WNT9A: variants seen among roughly 807,000 people sequenced by gnomAD.
The protein encoded by WNT9A is Wnt family member 9A.
WNT9A carries 8 observed loss-of-function variants against 31.4 expected under a neutral mutation model. The ratio of observed to expected loss-of-function variants is 0.26; its 90% CI spans 0.15 to 0.46. The LOEUF (loss-of-function observed/expected upper bound fraction) is 0.46, where lower values mean the gene tolerates loss of function less well. WNT9A is among the 20% of genes least tolerant of loss of function. WNT9A has a pLI of 0.99. For synonymous variants in WNT9A, 236 were observed against 220.1 expected (o/e 1.07, Z -0.64); for missense variants, 457 against 522.9 (o/e 0.87, Z 1.23).
intron 1 of WNT9A, among the ~76,000 whole-genome samples, chr1:227,945,459 G>C (rs1175989181): frequency 6.6e-6 from 1 of 152,206 alleles, no homozygotes; most frequent in Non-Finnish European, 1.5e-5. Context: ...GCCAGGGTTG[G>C]GTTGCAGCTC....
Position 227,947,907 on chromosome 1 carries a change from C to G in WNT9A, c.-20G>C, listed in dbSNP as rs985274014. The G allele has an allele frequency of 6.6e-6, 7 of 1,054,112 alleles. No homozygotes were observed. Among genetic ancestry groups the G allele is most frequent in the Non-Finnish European group, 8.0e-6 (7 of 875,208 alleles). The allele number at this position is 1,054,112 out of a possible 1,614,324, so 65.3% of individuals were successfully genotyped here. On this transcript the variant is annotated 5_prime_UTR_variant, in exon 1 of 4. Coordinates refer to ENST00000272164, the MANE Select transcript of WNT9A (RefSeq NM_003395.4). Reference sequence around the variant, plus strand: ...CAGCATCTTGCCGCGCCTCGGCGGCCGACCATCGCGCTCCCAGCTCCGCGC... The same window carrying G: ...CAGCATCTTGCCGCGCCTCGGCGGCGGACCATCGCGCTCCCAGCTCCGCGC...
Position 227,924,153 on chromosome 1 carries a change from G to A in WNT9A, c.600C>T (p.Asn200=), listed in dbSNP as rs868783763. ...DLRARVDFHN[N]LVGVKVIKAG... ...CCCCACTTGCCTTCACACCCACGAGGTTGTTGTGGAAGTCCACACGGGCTC... is the reference window on the plus strand; with the variant it reads ...CCCCACTTGCCTTCACACCCACGAGATTGTTGTGGAAGTCCACACGGGCTC... The change falls in exon 3 of 4, where the codon AAC becomes AAT. Residue 200 remains asparagine, a synonymous_variant. Coordinates refer to ENST00000272164, the MANE Select transcript of WNT9A (RefSeq NM_003395.4). 6.3e-7 allele frequency: 1 copy of A among 1,590,550 alleles called. No homozygotes were observed.
At chr1:227,940,469 C>T (rs1666678799) in intron 1 of WNT9A, among the ~76,000 whole-genome samples, 1 of 152,208 alleles carries the variant, frequency 6.6e-6, no homozygotes, top group Non-Finnish European at 1.5e-5. Flanking sequence ...ACTGTCATCC[C>T]TTCTGGAGCT....
chr1:227,941,223 G>C (rs1220438534), intron 1 of WNT9A, among the ~76,000 whole-genome samples: 6 of 152,234 alleles, frequency 3.9e-5, no homozygotes, highest in African/African-American at 7.2e-5. Context: ...CTGGCAGGGA[G>C]AGCCTCAGGC....
chr1:227,925,594 A>C lies in WNT9A; in HGVS notation c.96-75T>G. ...AGCCTGGCCAGGTGTCTCGGTGGCC[A>C]GGGTACAGGGGACAGGCGTGTCCAT... On this transcript the variant is annotated intron_variant, in intron 1 of 3. Transcript: ENST00000272164. The surrounding 1 kb of genome is among the most constrained non-coding windows in gnomAD (Gnocchi z 6.0). 6.9e-7 allele frequency: 1 copy of C among 1,442,342 alleles called. No individual in the cohort carries two copies. The highest frequency in any genetic ancestry group is 9.1e-7 in the Non-Finnish European group (1 of 1,101,410). The allele number at this position is 1,442,342 out of a possible 1,614,324, so 89.3% of individuals were successfully genotyped here.
In WNT9A at chr1:227,928,429, G is replaced by C. The variant is rs1463758797; in HGVS notation, c.96-2910C>G. On this transcript the variant is annotated intron_variant, in intron 1 of 3. Coordinates refer to ENST00000272164, the MANE Select transcript of WNT9A (RefSeq NM_003395.4). This position sits in a 1 kb window ranked among gnomAD's most constrained non-coding sequence, Gnocchi z 4.5. ...GGCAAGGGATGGCCTGAGGCCCAAA[G>C]GCTACGCCCTTCCCTGGAGTATTCA... Among the ~76,000 whole-genome samples the C allele has an allele frequency of 6.6e-6, 1 of 152,184 alleles. No homozygotes were observed. The highest frequency in any genetic ancestry group is 2.4e-5 in the African/African-American group (1 of 41,460).
At chr1:227,939,683 C>G (rs556974072) in intron 1 of WNT9A, among the ~76,000 whole-genome samples, 13 of 152,330 alleles carry the variant, frequency 8.5e-5, no homozygotes, top group Non-Finnish European at 1.5e-4. Context: ...GTCTAGCCAC[C>G]CTGACCGGGA....
Position 227,919,686 on chromosome 1 carries a change from T to TACAC in WNT9A, c.*1828_*1831dup, listed in dbSNP as rs59594965. ...CACAGCCAAGCTGACCATGCCAGTA[T>TACAC]ACACACACACACACACACACACACA... On this transcript the variant is annotated 3_prime_UTR_variant, in exon 4 of 4. Transcript: ENST00000272164. 744 of 135,910 alleles carry TACAC rather than the reference T, an allele frequency of 5.5e-3. 8 individuals carry two copies. Among genetic ancestry groups the TACAC allele is most frequent in the African/African-American group, 0.018 (681 of 37,994 alleles). 8.4% of individuals were successfully genotyped at this position (135,910 alleles called of 1,614,324 possible).
chr1:227,938,596 CCCA>C (rs1237439794), intron 1 of WNT9A, among the ~76,000 whole-genome samples: 1 of 152,074 alleles, frequency 6.6e-6, no homozygotes, highest in Non-Finnish European at 1.5e-5. Flanking sequence ...CACACAACCC[CCCA>C]CATGCATACA....
chr1:227,938,795 T>C (rs1666643644), intron 1 of WNT9A, among the ~76,000 whole-genome samples: 1 of 152,214 alleles, frequency 6.6e-6, no homozygotes, highest in African/African-American at 2.4e-5. Context: ...CAGTGTCTCA[T>C]GTCTTCATGT....
rs1666822733 is a variant in WNT9A at position 227,947,868 on chromosome 1, A to C, written c.20T>G (p.Leu7Arg). Residue 7 changes from leucine (L) to arginine (R), a missense_variant, in exon 1 of 4, where the codon CTG becomes CGG. Transcript: ENST00000272164. The stretch of plus-strand genomic sequence containing the variant: ...GAAGGCCGCGGCCAGCCAGCGCGCC[A>C]GCGGGGACCCATCCAGCATCTTGCC... MLDGSP[L>R]ARWLAAAFGL... 1.8e-6 allele frequency: 2 copies of C among 1,082,778 alleles called. No homozygotes were observed. Among genetic ancestry groups the C allele is most frequent in the Non-Finnish European group, 2.2e-6 (2 of 893,786 alleles). The allele number at this position is 1,082,778 out of a possible 1,614,324, so 67.1% of individuals were successfully genotyped here.
chr1:227,944,803 A>G (rs1231187426), intron 1 of WNT9A, among the ~76,000 whole-genome samples: 1 of 152,176 alleles, frequency 6.6e-6, no homozygotes, highest in Non-Finnish European at 1.5e-5. Context: ...GTAACCTGCA[A>G]ATGTTTCCTG....
chr1:227,927,042 T>A (rs1666430943), intron 1 of WNT9A, among the ~76,000 whole-genome samples: 1 of 151,954 alleles, frequency 6.6e-6, no homozygotes, highest in Non-Finnish European at 1.5e-5. Flanking sequence ...GTGGTCATGC[T>A]GAGATACCCT....
intron 2 of WNT9A, 132 bp from the exon 3 acceptor site, chr1:227,924,532 G>C: frequency 2.2e-6 from 3 of 1,348,946 alleles, no homozygotes; most frequent in Non-Finnish European, 3.0e-6. Context: ...TGCTGCACTC[G>C]GGACAGGGTG....
chr1:227,935,876 C>G (rs1017147847), intron 1 of WNT9A, among the ~76,000 whole-genome samples: 3 of 152,208 alleles, frequency 2.0e-5, no homozygotes, highest in African/African-American at 7.2e-5. Context: ...TGGTTAGTGC[C>G]TTCTCTACCT....
Position 227,921,785 on chromosome 1 carries a change from T to G in WNT9A, c.831A>C (p.Ala277=). 6.2e-7 allele frequency: 1 copy of G among 1,612,388 alleles called. No individual in the cohort carries two copies. The highest frequency in any genetic ancestry group is 8.5e-7 in the Non-Finnish European group (1 of 1,179,630). ...ISPPRGRASG[A]GGSDPLPRTP... ...TGCGGGGCAGCGGGTCGCTGCCACC[T>G]GCCCCCGAGGCACGGCCCCGTGGTG... The change falls in exon 4 of 4, where the codon GCA becomes GCC. Residue 277 remains alanine (A), a synonymous_variant. Transcript: ENST00000272164.
chr1:227,943,634 G>A (rs769951430), intron 1 of WNT9A, among the ~76,000 whole-genome samples: 3 of 152,154 alleles, frequency 2.0e-5, no homozygotes, highest in Non-Finnish European at 4.4e-5. Flanking sequence ...TGCACTGCCG[G>A]CAGAAATGTA....
rs768515917 is a variant in WNT9A, at chr1:227,925,346, G to A, written c.269C>T (p.Ala90Val). The A allele has an allele frequency of 1.1e-5, 17 of 1,610,652 alleles. No individual in the cohort carries two copies. Among genetic ancestry groups the A allele is most frequent in the South Asian group, 4.4e-5 (4 of 90,832 alleles). Reference sequence around the variant, plus strand: ...GCGGAACTGGAACTGGCACTCGAGCGCACTCATGCTCACGGCCTCCACCAG... The same window carrying A: ...GCGGAACTGGAACTGGCACTCGAGCACACTCATGCTCACGGCCTCCACCAG... ...ETLVEAVSMSALECQFQFRFE... is the reference protein window; with the variant it reads ...ETLVEAVSMSVLECQFQFRFE... The change falls in exon 2 of 4, where the codon GCG becomes GTG. Residue 90 changes from alanine (A) to valine (V), a missense_variant. Physicochemically the swap from Ala to Val is moderately conservative, Grantham distance 64. Transcript: ENST00000272164. The surrounding 1 kb of genome is among the most constrained non-coding windows in gnomAD (Gnocchi z 6.0).
rs370659596 is a variant in WNT9A at position 227,924,324 on chromosome 1, C to T, written c.429G>A (p.Ala143=). ...CGCAGGTACAGCGCTCCATGCGGCCCGCGCTGCACGCCTTGGCCAGTGCGT... is the reference window on the plus strand; with the variant it reads ...CGCAGGTACAGCGCTCCATGCGGCCTGCGCTGCACGCCTTGGCCAGTGCGT... ...LTHALAKACS[A]GRMERCTCDE... Residue 143 remains alanine, a synonymous_variant, in exon 3 of 4, where the codon GCG becomes GCA. Transcript: ENST00000272164. 17 of 1,613,354 alleles carry T rather than the reference C, an allele frequency of 1.1e-5. No individual in the cohort carries two copies. The highest frequency in any genetic ancestry group is 9.9e-5 in the South Asian group (9 of 91,060).
Sources: gnomAD v4.1 joint callset for allele counts (sites outside exome capture counted in the v4.1 genomes callset) on GRCh38, gnomAD v4.1.1 for gene constraint, Gnocchi (gnomAD v3.1) non-coding constraint, MANE v1.5 for transcripts, NCBI Gene and HGNC (gene_info 2026-07-23, HGNC 2026-07-21) for gene names.